Variants in MYO1B observed in about 807,000 individuals in gnomAD.
MYO1B encodes myosin IB.
Under a neutral mutation model 159.7 loss-of-function variants are expected in MYO1B, and 72 were observed. That is an observed-to-expected ratio of 0.45 (90% confidence interval 0.37 to 0.55). MYO1B has a LOEUF of 0.55. Ranked by LOEUF, MYO1B falls within the 20% of genes least tolerant of loss-of-function variation. MYO1B has a pLI of 0.00. For synonymous variants in MYO1B, 468 were observed against 473.8 expected (o/e 0.99, Z 0.16); for missense variants, 1,062 against 1,364.8 (o/e 0.78, Z 3.50).
chr2:191,298,076 A>G (rs983388937), intron 3 of MYO1B, among the ~76,000 whole-genome samples: 2 of 152,246 alleles, frequency 1.3e-5, no homozygotes, highest in African/African-American at 4.8e-5. Context: ...ATAAAATCTA[A>G]TAATTAAGGA....
chr2:191,274,984 T>A (rs1375636603), intron 1 of MYO1B, among the ~76,000 whole-genome samples: 1 of 152,174 alleles, frequency 6.6e-6, no homozygotes, highest in Non-Finnish European at 1.5e-5. Context: ...CTCGGCTCAC[T>A]GCAAGCTCTG....
intron 1 of MYO1B, among the ~76,000 whole-genome samples, chr2:191,257,587 G>A (rs1352241847): frequency 6.6e-6 from 1 of 152,134 alleles, no homozygotes; most frequent in Non-Finnish European, 1.5e-5. Context: ...CTCTTTTTAT[G>A]TAATTGTGGG....
intron 17 of MYO1B, among the ~76,000 whole-genome samples, chr2:191,388,991 T>C: frequency 6.6e-6 from 1 of 152,198 alleles, no homozygotes; most frequent in East Asian, 1.9e-4. Context: ...AGATTTCATA[T>C]TTAGGTCTGT....
chr2:191,278,933 A>G (rs1471458600), intron 2 of MYO1B, among the ~76,000 whole-genome samples: 3 of 152,264 alleles, frequency 2.0e-5, no homozygotes, highest in Non-Finnish European at 2.9e-5. Context: ...AGCACAATTC[A>G]CTTTTAAATG....
intron 1 of MYO1B, among the ~76,000 whole-genome samples, chr2:191,272,441 G>T (rs1438081402): frequency 4.6e-5 from 7 of 152,170 alleles, no homozygotes; most frequent in African/African-American, 1.7e-4. Context: ...ATCCACCTGG[G>T]GCTAGTAAGA....
At chr2:191,374,933 A>C (rs749977020) in intron 13 of MYO1B, among the ~76,000 whole-genome samples, 5 of 152,258 alleles carry the variant, frequency 3.3e-5, no homozygotes, top group Non-Finnish European at 7.3e-5. Context: ...TATTAAGTTA[A>C]AAAGTAAGTT....
intron 2 of MYO1B, among the ~76,000 whole-genome samples, chr2:191,280,183 C>T (rs967569362): frequency 3.9e-5 from 6 of 152,066 alleles, no homozygotes; most frequent in African/African-American, 1.2e-4. Context: ...TAGCAGCTGA[C>T]GCTGGAAGCA....
intron 3 of MYO1B, among the ~76,000 whole-genome samples, chr2:191,314,107 T>G (rs1690197787): frequency 6.6e-6 from 1 of 152,234 alleles, no homozygotes. Flanking sequence ...AGTAGTATAA[T>G]TTAGAATGAA....
chr2:191,354,559 G>T (rs774455603), intron 7 of MYO1B, among the ~76,000 whole-genome samples: 1 of 152,000 alleles, frequency 6.6e-6, no homozygotes, highest in Non-Finnish European at 1.5e-5. Flanking sequence ...AATTATGAAT[G>T]GAGGCAAATG....
intron 30 of MYO1B, among the ~76,000 whole-genome samples, chr2:191,418,593 G>T (rs374851287): frequency 1.4e-5 from 2 of 143,672 alleles, no homozygotes; most frequent in East Asian, 4.5e-4. Flanking sequence ...GGGTTCAAGG[G>T]ATTATTCTGC....
At chr2:191,380,548 G>A (rs1694978885) in intron 13 of MYO1B, among the ~76,000 whole-genome samples, 1 of 152,172 alleles carries the variant, frequency 6.6e-6, no homozygotes. Flanking sequence ...TGGACGATGT[G>A]GTTCTTGATA....
chr2:191,400,689 A>G, intron 22 of MYO1B, 60 bp from the exon 23 acceptor site: 1 of 1,565,900 alleles, frequency 6.4e-7, no homozygotes, highest in Non-Finnish European at 8.7e-7. Context: ...TTCATTGAAA[A>G]CCAGCAGTAA....
At chr2:191,359,756 G>T (rs778075791) in intron 7 of MYO1B, among the ~76,000 whole-genome samples, 1 of 152,152 alleles carries the variant, frequency 6.6e-6, no homozygotes, top group Non-Finnish European at 1.5e-5. Flanking sequence ...GTGTTCTCTA[G>T]AATTAGTGCT....
intron 4 of MYO1B, among the ~76,000 whole-genome samples, chr2:191,330,242 C>G (rs1691381083): frequency 6.6e-6 from 1 of 152,134 alleles, no homozygotes; most frequent in South Asian, 2.1e-4. Context: ...AATATGAAGT[C>G]TAGTGCCGGA....
chr2:191,364,081 A>G, intron 10 of MYO1B, 77 bp from the exon 11 acceptor site: 3 of 1,319,254 alleles, frequency 2.3e-6, no homozygotes, highest in Non-Finnish European at 2.2e-6. Context: ...TTTAGAAAGA[A>G]CATCCTAAGC....
chr2:191,305,549 A>G (rs1689599623), intron 3 of MYO1B, among the ~76,000 whole-genome samples: 1 of 152,212 alleles, frequency 6.6e-6, no homozygotes. Context: ...GATAAACATG[A>G]TTAAGCATCC....
At chr2:191,340,413 A>G (rs1692140186) in intron 4 of MYO1B, among the ~76,000 whole-genome samples, 1 of 152,204 alleles carries the variant, frequency 6.6e-6, no homozygotes, top group Admixed American at 6.5e-5. Context: ...CTTAGTGTTA[A>G]AAGAATCAGA....
At chr2:191,352,768 G>C (rs1693004166) in intron 7 of MYO1B, among the ~76,000 whole-genome samples, 1 of 152,156 alleles carries the variant, frequency 6.6e-6, no homozygotes, top group South Asian at 2.1e-4. Flanking sequence ...CCTGTATAGA[G>C]AACTGACTCA....
chr2:191,286,856 C>T (rs569161942), intron 2 of MYO1B, among the ~76,000 whole-genome samples: 36 of 152,184 alleles, frequency 2.4e-4, no homozygotes, highest in African/African-American at 8.7e-4. Context: ...TGGCTTGAAC[C>T]TGGGATCGGG....
Sources: allele counts gnomAD v4.1 joint callset (sites outside exome capture counted in the v4.1 genomes callset), GRCh38; gene constraint gnomAD v4.1.1; transcripts MANE v1.5; gene names NCBI Gene and HGNC (gene_info 2026-07-23, HGNC 2026-07-21).